The following HOMER1 variants were observed in gnomAD, a reference collection of about 807,000 sequenced individuals.
The protein encoded by HOMER1 is homer protein homolog 1.
A neutral mutation model predicts 48.9 loss-of-function variants in HOMER1; 3 were observed. The observed-to-expected ratio is 0.06, with a 90% CI of 0.03 to 0.16. The LOEUF (loss-of-function observed/expected upper bound fraction) is 0.16, where lower values mean the gene tolerates loss of function less well. Ranked by LOEUF, HOMER1 falls within the 10% of genes least tolerant of loss-of-function variation. The pLI is 1.00. For synonymous variants in HOMER1, 134 were observed against 146.4 expected, an observed-to-expected ratio of 0.92 and a Z score of 0.61; for missense variants, 247 against 411.4, an observed-to-expected ratio of 0.60 and a Z score of 3.46.
At chr5:79,456,618 T>C (rs1580463151) in intron 2 of HOMER1, among the ~76,000 whole-genome samples, 1 of 152,184 alleles carries the variant, frequency 6.6e-6, no homozygotes, top group Non-Finnish European at 1.5e-5. Context: ...GCAATGAACA[T>C]TAAATAAATG....
At chr5:79,400,220 A>T (rs891838962) in intron 6 of HOMER1, among the ~76,000 whole-genome samples, 1 of 152,154 alleles carries the variant, frequency 6.6e-6, no homozygotes, top group Non-Finnish European at 1.5e-5. Flanking sequence ...AACTTGCAAA[A>T]CTGTAAGTCT....
chr5:79,407,043 C>T (rs1411623026), intron 5 of HOMER1, among the ~76,000 whole-genome samples: 1 of 152,058 alleles, frequency 6.6e-6, no homozygotes, highest in African/African-American at 2.4e-5. Context: ...AAAAAAAGAC[C>T]AAAAGATGAG....
At chr5:79,473,832 AT>A (rs1427535196) in intron 1 of HOMER1, among the ~76,000 whole-genome samples, 1 of 152,154 alleles carries the variant, frequency 6.6e-6, no homozygotes, top group African/African-American at 2.4e-5. Flanking sequence ...CTTTATTCCA[AT>A]ACTAAGTATG....
rs1383254150 is a variant in HOMER1, at chr5:79,388,761, T to G, written c.876+8062A>C. Among the ~76,000 whole-genome samples, 4 of 152,150 alleles carry G rather than the reference T, an allele frequency of 2.6e-5. No individual in the cohort carries two copies. In the South Asian group the frequency reaches 8.3e-4, roughly 32 times the overall value. On this transcript the variant is annotated intron_variant, in intron 8 of 8. Coordinates refer to ENST00000334082, the MANE Select transcript of HOMER1 (RefSeq NM_004272.5). ...AGATTTGAATAAAACTATTTTTAAT[T>G]CAATTATTACTTATTATTTTAAATA...
intron 1 of HOMER1, among the ~76,000 whole-genome samples, chr5:79,476,465 A>G (rs778997948): frequency 1.3e-5 from 2 of 151,936 alleles, no homozygotes; most frequent in Non-Finnish European, 2.9e-5. Context: ...GTCCCCCAAA[A>G]CTGCCCTCTC....
rs1319204221 is a variant in HOMER1, at chr5:79,379,278, T to C, written c.877-3081A>G. Among the ~76,000 whole-genome samples, 5 of 84,864 alleles carry C rather than the reference T, an allele frequency of 5.9e-5. No homozygotes were observed. The Admixed American group carries it at 8.4e-4, about 14-fold the overall frequency. 55.7% of individuals were successfully genotyped at this position (84,864 alleles called of 152,430 possible). ...TATTATATATATTATATATTATATA[T>C]ATCTATTATATATATTAAAATTGTC... On this transcript the variant is annotated intron_variant, in intron 8 of 8. Transcript: ENST00000334082.
chr5:79,475,454 G>A (rs1480192703), intron 1 of HOMER1, among the ~76,000 whole-genome samples: 1 of 121,650 alleles, frequency 8.2e-6, no homozygotes, highest in South Asian at 2.6e-4. Context: ...TTTTGCACCT[G>A]CAAGAAACCA....
rs192968349 is a variant in HOMER1, at chr5:79,498,273, C to T, written c.5+14497G>A. Among the ~76,000 whole-genome samples the T allele has an allele frequency of 1.2e-4, 19 of 152,284 alleles. No individual in the cohort carries two copies. The East Asian group carries it at 3.7e-3, about 29-fold the overall frequency. Reference sequence around the variant, plus strand: ...AATTAGCCGGGTGCGGTGGCACATGCCTGTATTCCCAGCTACTTGGGAGGC... The same window carrying T: ...AATTAGCCGGGTGCGGTGGCACATGTCTGTATTCCCAGCTACTTGGGAGGC... On this transcript the variant is annotated intron_variant, in intron 1 of 8. Transcript: ENST00000334082.
In HOMER1 at chr5:79,412,323, TA is replaced by T. The variant is rs367992196; in HGVS notation, c.528-10269del. 2.4e-3 allele frequency among the ~76,000 whole-genome samples: 365 copies of T among 152,230 alleles called. 5 individuals are homozygous for T. The highest frequency in any genetic ancestry group is 8.4e-3 in the African/African-American group (349 of 41,522). On this transcript the variant is annotated intron_variant, in intron 5 of 8. Coordinates refer to ENST00000334082, the MANE Select transcript of HOMER1 (RefSeq NM_004272.5). ...AACGCAGAAGCAACCAATATTGACT[TA>T]AAACTATTTGTGTCCAGTCTACTAA...
At chr5:79,503,555 CAG>C (rs1752666264) in intron 1 of HOMER1, among the ~76,000 whole-genome samples, 1 of 124,132 alleles carries the variant, frequency 8.1e-6, no homozygotes, top group African/African-American at 3.0e-5. Flanking sequence ...AAAAAAAAAA[CAG>C]AGGCCAGGTG....
chr5:79,471,945 ATTC>A (rs1429571342), intron 1 of HOMER1, among the ~76,000 whole-genome samples: 1 of 152,162 alleles, frequency 6.6e-6, no homozygotes, highest in Non-Finnish European at 1.5e-5. Flanking sequence ...AAGTAGAGCC[ATTC>A]TTGGTCACTC....
intron 5 of HOMER1, among the ~76,000 whole-genome samples, chr5:79,404,563 G>A (rs1250386888): frequency 6.6e-6 from 1 of 152,150 alleles, no homozygotes; most frequent in African/African-American, 2.4e-5. Flanking sequence ...CTTTGAATTT[G>A]AGACACATTT....
At chr5:79,506,355 T>G (rs947046532) in intron 1 of HOMER1, among the ~76,000 whole-genome samples, 5 of 152,190 alleles carry the variant, frequency 3.3e-5, no homozygotes, top group African/African-American at 1.2e-4. Context: ...CAGTTTCATC[T>G]TTTTTTCCTT....
intron 5 of HOMER1, among the ~76,000 whole-genome samples, chr5:79,436,464 C>T (rs1317668356): frequency 6.6e-6 from 1 of 152,208 alleles, no homozygotes; most frequent in African/African-American, 2.4e-5. Flanking sequence ...AACTATGTGA[C>T]TTACGCAACT....
At chr5:79,404,729 A>AG (rs1259032644) in intron 5 of HOMER1, among the ~76,000 whole-genome samples, 1 of 151,862 alleles carries the variant, frequency 6.6e-6, no homozygotes, top group Non-Finnish European at 1.5e-5. Context: ...TTTGAGATGG[A>AG]GTTTCGCTCT....
chr5:79,479,307 T>A (rs1035423953), intron 1 of HOMER1, among the ~76,000 whole-genome samples: 1 of 152,184 alleles, frequency 6.6e-6, no homozygotes, highest in African/African-American at 2.4e-5. Flanking sequence ...CCTGTGAATG[T>A]TGCCTTATTT....
intron 8 of HOMER1, among the ~76,000 whole-genome samples, chr5:79,380,927 A>C (rs1014853279): frequency 3.3e-5 from 5 of 152,142 alleles, no homozygotes; most frequent in African/African-American, 1.2e-4. Flanking sequence ...CACGGGACAC[A>C]GAGGATTGTC....
chr5:79,498,255 C>T (rs1274848776), intron 1 of HOMER1, among the ~76,000 whole-genome samples: 5 of 152,118 alleles, frequency 3.3e-5, no homozygotes, highest in Non-Finnish European at 7.3e-5. Context: ...CAAAATTAGC[C>T]GGGTGCGGTG....
intron 5 of HOMER1, among the ~76,000 whole-genome samples, chr5:79,424,647 T>C (rs987412655): frequency 3.3e-5 from 5 of 152,056 alleles, no homozygotes; most frequent in African/African-American, 1.2e-4. Flanking sequence ...TGTTCTCATA[T>C]GACAACAAAC....
Sources: gnomAD v4.1 joint callset for allele counts (sites outside exome capture counted in the v4.1 genomes callset) on GRCh38, gnomAD v4.1.1 for gene constraint, MANE v1.5 for transcripts, NCBI Gene and HGNC (gene_info 2026-07-23, HGNC 2026-07-21) for gene names.